Variants in ST6GALNAC3 observed in about 807,000 individuals in gnomAD.
ST6GALNAC3 encodes the protein alpha-N-acetylgalactosaminide alpha-2,6-sialyltransferase 3.
A neutral mutation model predicts 32.7 loss-of-function variants in ST6GALNAC3; 25 were observed. The ratio of observed to expected loss-of-function variants is 0.76; its 90% CI spans 0.56 to 1.07. The LOEUF is 1.07. Ranked by LOEUF, ST6GALNAC3 falls within the 50% of genes least tolerant of loss-of-function variation. The pLI is 0.00. For synonymous variants in ST6GALNAC3, 129 were observed against 133.1 expected, an observed-to-expected ratio of 0.97 and a Z score of 0.21; for missense variants, 355 against 382.4, an observed-to-expected ratio of 0.93 and a Z score of 0.60.
At chr1:76,592,759 A>G (rs1302216136) in intron 3 of ST6GALNAC3, among the ~76,000 whole-genome samples, 2 of 152,104 alleles carry the variant, frequency 1.3e-5, no homozygotes, top group Admixed American at 6.5e-5. Flanking sequence ...CAAACTAGCT[A>G]TCATATCAGG....
chr1:76,631,068 G>A lies in ST6GALNAC3; in HGVS notation c.*2262G>A, dbSNP rs115132181. 0.013 allele frequency: 13,005 copies of A among 977,124 alleles called. 111 individuals carry two copies. The highest frequency in any genetic ancestry group is 0.035 in the Middle Eastern group (66 of 1,892). The allele number at this position is 977,124 out of a possible 1,614,324, so 60.5% of individuals were successfully genotyped here. A position where few individuals can be genotyped will look rare whatever the true frequency, so the allele number is the denominator to read the frequency against. On this transcript the variant is annotated 3_prime_UTR_variant, in exon 5 of 5. Coordinates refer to ENST00000328299, the MANE Select transcript of ST6GALNAC3 (RefSeq NM_152996.4). ...GAAAACTTGCTTGCTCTCCTGCCTC[G>A]TTGTAGCTTTCTCTGATGAAGACTT... is the stretch of plus-strand genomic sequence containing the variant.
rs139909860 is a variant in ST6GALNAC3 at position 76,387,249 on chromosome 1, C to G, written c.214-24759C>G. ...GGAGGTGTTCTTTTACCTTCCCTCTCGGCACTAAATGTAAGCTCCCTGAGG... is the reference window on the plus strand; with the variant it reads ...GGAGGTGTTCTTTTACCTTCCCTCTGGGCACTAAATGTAAGCTCCCTGAGG... On this transcript the variant is annotated intron_variant, in intron 2 of 4. Transcript: ENST00000328299. Among the ~76,000 whole-genome samples, 623 of 152,192 alleles carry G rather than the reference C, an allele frequency of 4.1e-3. 6 individuals are homozygous for G. The highest frequency in any genetic ancestry group is 0.014 in the African/African-American group (592 of 41,536).
chr1:76,079,803 C>A (rs148164620), intron 1 of ST6GALNAC3, among the ~76,000 whole-genome samples: 9 of 152,298 alleles, frequency 5.9e-5, no homozygotes, highest in Non-Finnish European at 1.0e-4. Flanking sequence ...CTGCCCCTTA[C>A]TTTCCATCCT....
intron 3 of ST6GALNAC3, among the ~76,000 whole-genome samples, chr1:76,438,602 G>A (rs1197179765): frequency 1.3e-5 from 2 of 151,708 alleles, no homozygotes; most frequent in African/African-American, 2.4e-5. Context: ...TATATCTTTT[G>A]GCACCTTGTG....
chr1:76,168,850 G>A (rs1476199431), intron 1 of ST6GALNAC3, among the ~76,000 whole-genome samples: 2 of 151,914 alleles, frequency 1.3e-5, no homozygotes, highest in East Asian at 3.9e-4. Context: ...GTGTGTCATT[G>A]CATAAGAGAT....
At chr1:76,131,270 C>T (rs1315211661) in intron 1 of ST6GALNAC3, among the ~76,000 whole-genome samples, 2 of 152,270 alleles carry the variant, frequency 1.3e-5, no homozygotes, top group East Asian at 1.9e-4. Context: ...GGTGATCGAG[C>T]GAAAAGCCAA....
chr1:76,422,505 A>T (rs1655092716), intron 3 of ST6GALNAC3, among the ~76,000 whole-genome samples: 1 of 152,046 alleles, frequency 6.6e-6, no homozygotes, highest in African/African-American at 2.4e-5. Context: ...ATCCAGGGGA[A>T]ACAGCAAAAA....
chr1:76,411,235 C>G (rs1473316460), intron 2 of ST6GALNAC3, among the ~76,000 whole-genome samples: 2 of 152,082 alleles, frequency 1.3e-5, no homozygotes, highest in African/African-American at 4.8e-5. Context: ...AACACTGCAG[C>G]TTTATCATCT....
At chr1:76,613,055 G>A (rs1396745766) in intron 3 of ST6GALNAC3, among the ~76,000 whole-genome samples, 1 of 152,178 alleles carries the variant, frequency 6.6e-6, no homozygotes, top group African/African-American at 2.4e-5. Flanking sequence ...CCTTGCCTGT[G>A]TCTGTAAGAC....
intron 3 of ST6GALNAC3, among the ~76,000 whole-genome samples, chr1:76,504,397 C>G (rs1302605026): frequency 1.3e-5 from 2 of 152,054 alleles, no homozygotes; most frequent in African/African-American, 4.8e-5. Flanking sequence ...TCTGCAAAGG[C>G]CTTTATTCCA....
At chr1:76,308,285 T>G (rs1237430284) in intron 1 of ST6GALNAC3, among the ~76,000 whole-genome samples, 1 of 152,170 alleles carries the variant, frequency 6.6e-6, no homozygotes, top group Non-Finnish European at 1.5e-5. Flanking sequence ...CGTAATAGCT[T>G]TTGTTTCTCG....
At chr1:76,269,184 G>T (rs1035101589) in intron 1 of ST6GALNAC3, among the ~76,000 whole-genome samples, 4 of 152,086 alleles carry the variant, frequency 2.6e-5, no homozygotes, top group African/African-American at 9.7e-5. Flanking sequence ...CCCTACTCAC[G>T]GCTCTATCTA....
chr1:76,219,070 GA>G (rs543021813), intron 1 of ST6GALNAC3, among the ~76,000 whole-genome samples: 50 of 152,284 alleles, frequency 3.3e-4, no homozygotes, highest in African/African-American at 1.2e-3. Flanking sequence ...TAAAGGAACT[GA>G]AACTAGCTTT....
At chr1:76,362,866 C>A (rs1650076715) in intron 2 of ST6GALNAC3, among the ~76,000 whole-genome samples, 1 of 152,194 alleles carries the variant, frequency 6.6e-6, no homozygotes, top group South Asian at 2.1e-4. Context: ...TGAGTGCCTG[C>A]AGCTTTTCCA....
chr1:76,357,651 A>G (rs1032045468), intron 2 of ST6GALNAC3, among the ~76,000 whole-genome samples: 2 of 152,166 alleles, frequency 1.3e-5, no homozygotes, highest in Non-Finnish European at 2.9e-5. Context: ...TATATTTACT[A>G]TATGTGTGTG....
At chr1:76,613,150 TGA>T (rs1648045174) in intron 3 of ST6GALNAC3, among the ~76,000 whole-genome samples, 1 of 152,230 alleles carries the variant, frequency 6.6e-6, no homozygotes, top group African/African-American at 2.4e-5. Context: ...CTTAATTTTC[TGA>T]GAGTTTGCTT....
In ST6GALNAC3 at chr1:76,585,397, A is replaced by G. The variant is rs1194733348; in HGVS notation, c.624-42055A>G. ...TGAGACTCCTTCTCAAAAAAGAAAA[A>G]AAAAAAAAACTATAAATATTCTTAA... On this transcript the variant is annotated intron_variant, in intron 3 of 4. Transcript: ENST00000328299. 2.0e-5 allele frequency among the ~76,000 whole-genome samples: 3 copies of G among 152,120 alleles called. No homozygotes were observed. The East Asian group carries it at 5.8e-4, about 29-fold the overall frequency.
At chr1:76,610,819 C>T (rs945618154) in intron 3 of ST6GALNAC3, among the ~76,000 whole-genome samples, 3 of 152,058 alleles carry the variant, frequency 2.0e-5, no homozygotes, top group Non-Finnish European at 4.4e-5. Flanking sequence ...CATGAAAACA[C>T]ATAAAAATGG....
At chr1:76,138,916 CG>C (rs1222905492) in intron 1 of ST6GALNAC3, among the ~76,000 whole-genome samples, 1 of 152,104 alleles carries the variant, frequency 6.6e-6, no homozygotes, top group Non-Finnish European at 1.5e-5. Flanking sequence ...ATGCACTGGC[CG>C]GGCGCAGTGG....
Sources: gnomAD v4.1 joint callset for allele counts (sites outside exome capture counted in the v4.1 genomes callset) on GRCh38, gnomAD v4.1.1 for gene constraint, MANE v1.5 for transcripts, NCBI Gene and HGNC (gene_info 2026-07-23, HGNC 2026-07-21) for gene names.